DIPK2A: variants seen among roughly 807,000 people sequenced by gnomAD.
DIPK2A encodes the protein divergent protein kinase domain 2A, also known as Golgi Protein of 49 kDa.
In DIPK2A, 27 loss-of-function variants were observed where a neutral mutation model predicts 39.0. The ratio of observed to expected loss-of-function variants is 0.69; its 90% confidence interval spans 0.51 to 0.96. The LOEUF is 0.96. DIPK2A is among the 40% of genes least tolerant of loss of function. The probability of loss-of-function intolerance (pLI) is 0.00; values close to 1 mark genes in which losing one functional copy is unlikely to be tolerated. For missense variants in DIPK2A, 528 were observed against 571.3 expected (o/e 0.92, Z 0.77); for synonymous variants, 298 against 240.8 (o/e 1.24, Z -2.20).
chr3:143,983,593 C>T (rs1377167131), intron 1 of DIPK2A, among the ~76,000 whole-genome samples: 1 of 152,156 alleles, frequency 6.6e-6, no homozygotes, highest in Non-Finnish European at 1.5e-5. Flanking sequence ...TAAATGCCCA[C>T]AGGAGAAAAC....
In DIPK2A at chr3:143,971,967, G is replaced by A. The variant is rs1228358869; in HGVS notation, c.-366G>A. On this transcript the variant is annotated 5_prime_UTR_variant, in exon 1 of 3. Coordinates refer to ENST00000315691, the MANE Select transcript of DIPK2A (RefSeq NM_173552.5). ...GCTGCCGCCGCAGCTCTTGTGCGAAGCCAGCAGTGCGCGTGCGCGCGGGCA... is the reference window on the plus strand; with the variant it reads ...GCTGCCGCCGCAGCTCTTGTGCGAAACCAGCAGTGCGCGTGCGCGCGGGCA... The A allele has an allele frequency of 4.2e-6, 1 of 238,860 alleles. No individual in the cohort carries two copies. The highest frequency in any genetic ancestry group is 8.0e-6 in the Non-Finnish European group (1 of 124,668). The allele number at this position is 238,860 out of a possible 1,614,324, so 14.8% of individuals were successfully genotyped here.
intron 2 of DIPK2A, among the ~76,000 whole-genome samples, chr3:143,986,692 T>C (rs1424104295): frequency 7.3e-6 from 1 of 136,280 alleles, no homozygotes. Flanking sequence ...GCCACTGCAC[T>C]CCAGCCTGGG....
In DIPK2A at chr3:143,989,669, G is replaced by T; in HGVS notation, c.1121G>T (p.Trp374Leu). 2 of 1,614,204 alleles carry T rather than the reference G, an allele frequency of 1.2e-6. No individual in the cohort carries two copies. The highest frequency in any genetic ancestry group is 1.7e-6 in the Non-Finnish European group (2 of 1,180,026). ...CQNLLSRHAT[W>L]RGTSGGLLHD... ...AACCTCTTATCCAGACATGCCACCT[G>T]GCGTGGCACTTCTGGAGGACTCCTT... Residue 374 changes from tryptophan to leucine, a missense_variant, in exon 3 of 3, where the codon TGG (tryptophan) becomes TTG (leucine). By Grantham distance (61) the Trp-to-Leu change is moderately conservative. Coordinates refer to ENST00000315691, the MANE Select transcript of DIPK2A (RefSeq NM_173552.5).
At chr3:143,973,553 A>G (rs778755815) in intron 1 of DIPK2A, 8 of 1,426,678 alleles carry the variant, frequency 5.6e-6, no homozygotes, top group Non-Finnish European at 7.7e-6. Context: ...AGAACGGGAC[A>G]GTGGTCGGGG....
intron 1 of DIPK2A, among the ~76,000 whole-genome samples, chr3:143,976,833 T>C (rs898205178): frequency 6.6e-6 from 1 of 152,082 alleles, no homozygotes; most frequent in African/African-American, 2.4e-5. Flanking sequence ...TTTTCTATTC[T>C]TATAAATGAT....
intron 1 of DIPK2A, chr3:143,973,350 T>G: frequency 1.3e-6 from 2 of 1,543,950 alleles, no homozygotes; most frequent in Non-Finnish European, 1.7e-6. Flanking sequence ...GGCTTGCAGG[T>G]CCGCGGCGCA....
At chr3:143,977,154 A>T (rs773091820) in intron 1 of DIPK2A, among the ~76,000 whole-genome samples, 6 of 152,086 alleles carry the variant, frequency 3.9e-5, no homozygotes, top group Non-Finnish European at 8.8e-5. Context: ...CACTGGTGAA[A>T]ATGTAGTTTT....
At chr3:143,983,146 A>G (rs538147868) in intron 1 of DIPK2A, among the ~76,000 whole-genome samples, 3 of 152,320 alleles carry the variant, frequency 2.0e-5, no homozygotes, top group African/African-American at 7.2e-5. Context: ...TTAACACCCC[A>G]TTGTCAATAT....
Position 143,985,613 on chromosome 3 carries a change from A to C in DIPK2A, c.728A>C (p.Asn243Thr). ...LGACGRMVAV[N>T]YVGEELWSYF... ...GCTTGTGGAAGAATGGTGGCTGTAA[A>C]TTATGTTGGAGAAGAACTGTGGAGT... Residue 243 changes from asparagine (N) to threonine (T), a missense_variant, in exon 2 of 3, where the codon AAT (asparagine) becomes ACT (threonine). Transcript: ENST00000315691. 6.2e-7 allele frequency: 1 copy of C among 1,614,184 alleles called. No individual in the cohort carries two copies. Among genetic ancestry groups the C allele is most frequent in the Non-Finnish European group, 8.5e-7 (1 of 1,180,020 alleles).
intron 1 of DIPK2A, 131 bp from the exon 2 acceptor site, chr3:143,985,412 T>C: frequency 1.3e-6 from 1 of 781,878 alleles, no homozygotes; most frequent in South Asian, 1.8e-5. Flanking sequence ...AGTTAATCTC[T>C]AATAAACTGT....
Position 143,972,384 on chromosome 3 carries a change from C to G in DIPK2A, c.52C>G (p.Leu18Val). ...KLGRLSRSLKLAALGSLLVLM... is the reference protein window; with the variant it reads ...KLGRLSRSLKVAALGSLLVLM... ...GGGCCGCCTGTCCCGCTCGCTGAAG[C>G]TGGCGGCGCTGGGCAGCCTGTTGGT... is the stretch of plus-strand genomic sequence containing the variant. The change falls in exon 1 of 3, where the codon CTG becomes GTG. Residue 18 changes from leucine (L) to valine (V), a missense_variant. Around this residue, in one of 2 missense-constraint regions of DIPK2A, gnomAD observed 309 missense variants for 289.8 expected, o/e 1.07. Coordinates refer to ENST00000315691, the MANE Select transcript of DIPK2A (RefSeq NM_173552.5). 1 of 1,424,396 alleles carries G rather than the reference C, an allele frequency of 7.0e-7. No individual in the cohort carries two copies. The highest frequency in any genetic ancestry group is 9.2e-7 in the Non-Finnish European group (1 of 1,087,364). 88.2% of individuals were successfully genotyped at this position (1,424,396 alleles called of 1,614,324 possible). A position where few individuals can be genotyped will look rare whatever the true frequency, so the allele number is the denominator to read the frequency against.
chr3:143,982,862 A>G (rs989123571), intron 1 of DIPK2A, among the ~76,000 whole-genome samples: 3 of 152,166 alleles, frequency 2.0e-5, no homozygotes, highest in African/African-American at 7.2e-5. Context: ...CTCACATGCA[A>G]AGACACACAT....
At chr3:143,973,665 G>C in intron 1 of DIPK2A, 1 of 839,364 alleles carries the variant, frequency 1.2e-6, no homozygotes, top group Admixed American at 2.1e-5. Flanking sequence ...AGGCCAGACA[G>C]ACGTTTTCAT....
In DIPK2A at chr3:143,973,498, A is replaced by G. The variant is rs1191247319; in HGVS notation, c.657+509A>G. The G allele has an allele frequency of 2.6e-6, 4 of 1,551,112 alleles. No homozygotes were observed. In the African/African-American group the frequency reaches 4.1e-5, roughly 16 times the overall value. On this transcript the variant is annotated intron_variant, in intron 1 of 2. Transcript: ENST00000315691. Reference sequence around the variant, plus strand: ...GTTTTCGCTCATTTACCTGGCAGTCATTTGGACACCTAATTCGAGGACAAG... The same window carrying G: ...GTTTTCGCTCATTTACCTGGCAGTCGTTTGGACACCTAATTCGAGGACAAG...
At chr3:143,973,641 G>A (rs2087689653) in intron 1 of DIPK2A, 1 of 1,103,038 alleles carries the variant, frequency 9.1e-7, no homozygotes, top group South Asian at 1.3e-5. Flanking sequence ...TGGACTTGGG[G>A]CTGGGAGGGC....
chr3:143,977,045 C>T (rs1428503309), intron 1 of DIPK2A, among the ~76,000 whole-genome samples: 1 of 151,760 alleles, frequency 6.6e-6, no homozygotes, highest in Non-Finnish European at 1.5e-5. Context: ...GATTTTTTTC[C>T]ATTATTACTT....
At chr3:143,974,672 A>G (rs940583491) in intron 1 of DIPK2A, among the ~76,000 whole-genome samples, 2 of 152,200 alleles carry the variant, frequency 1.3e-5, no homozygotes, top group African/African-American at 4.8e-5. Flanking sequence ...CATTTACTGT[A>G]CTTAAAATGC....
chr3:143,973,390 A>C, intron 1 of DIPK2A: 2 of 1,548,678 alleles, frequency 1.3e-6, no homozygotes, highest in Non-Finnish European at 1.7e-6. Context: ...GACCTTTCCT[A>C]GTTCTTCTGA....
upstream of DIPK2A, chr3:143,971,808 G>C (rs554871968): frequency 6.6e-6 from 1 of 152,236 alleles, no homozygotes; most frequent in African/African-American, 2.4e-5. Context: ...CTTGGTCTCA[G>C]GAGAGCCAGC....
Sources: allele counts gnomAD v4.1 joint callset (sites outside exome capture counted in the v4.1 genomes callset), GRCh38; gene constraint gnomAD v4.1.1; regional missense constraint gnomAD v4.1.1; transcripts MANE v1.5; gene names NCBI Gene and HGNC (gene_info 2026-07-23, HGNC 2026-07-21).